MELK: variants seen among roughly 807,000 people sequenced by gnomAD.
The protein encoded by MELK is pEg3 kinase.
MELK carries 81 observed loss-of-function variants against 85.0 expected under a neutral mutation model. That is an observed-to-expected ratio of 0.95 (90% CI 0.80 to 1.15). MELK has a LOEUF of 1.15. MELK is among the 50% of genes most tolerant of loss of function. The pLI is 0.00. For synonymous variants in MELK, 252 were observed against 265.0 expected (o/e 0.95, Z 0.48); for missense variants, 754 against 777.5 (o/e 0.97, Z 0.36).
chr9:36,639,036 G>C (rs975425696), intron 10 of MELK, among the ~76,000 whole-genome samples: 2 of 152,200 alleles, frequency 1.3e-5, no homozygotes, highest in African/African-American at 4.8e-5. Context: ...AGTAGCTACT[G>C]GAGCAGAGTG....
At chr9:36,621,302 A>C (rs1245393835) in intron 8 of MELK, among the ~76,000 whole-genome samples, 7 of 127,962 alleles carry the variant, frequency 5.5e-5, no homozygotes, top group Admixed American at 2.3e-4. Flanking sequence ...AAAAAAAAAA[A>C]AAAAAAAAAA....
chr9:36,628,129 G>C (rs1828121721), intron 8 of MELK, among the ~76,000 whole-genome samples: 1 of 148,618 alleles, frequency 6.7e-6, no homozygotes, highest in African/African-American at 2.5e-5. Flanking sequence ...TCAAACTCCT[G>C]ACCTCGGCCT....
intron 11 of MELK, among the ~76,000 whole-genome samples, chr9:36,645,087 G>A (rs1221200411): frequency 2.0e-5 from 3 of 151,380 alleles, no homozygotes; most frequent in Admixed American, 6.6e-5. Context: ...GTGAAACCGC[G>A]TTTCTACTAA....
intron 11 of MELK, among the ~76,000 whole-genome samples, chr9:36,645,413 A>G (rs1427588247): frequency 6.6e-6 from 1 of 152,186 alleles, no homozygotes; most frequent in Non-Finnish European, 1.5e-5. Flanking sequence ...TGCATAAAAC[A>G]TAACAAAGCA....
chr9:36,574,498 G>A (rs1344570380), intron 1 of MELK, among the ~76,000 whole-genome samples: 1 of 151,926 alleles, frequency 6.6e-6, no homozygotes, highest in African/African-American at 2.4e-5. Flanking sequence ...AGCAACTGGG[G>A]AGGCTGAGGC....
intron 7 of MELK, among the ~76,000 whole-genome samples, chr9:36,603,044 C>T (rs920393911): frequency 6.6e-6 from 1 of 152,136 alleles, no homozygotes; most frequent in Non-Finnish European, 1.5e-5. Flanking sequence ...TAATCGTATG[C>T]CTGATCTCAC....
chr9:36,616,040 C>A (rs1018865143), intron 8 of MELK, among the ~76,000 whole-genome samples: 8 of 151,956 alleles, frequency 5.3e-5, no homozygotes, highest in Non-Finnish European at 8.8e-5. Context: ...GGGGCCCGTC[C>A]GCTCCTCCAG....
intron 12 of MELK, among the ~76,000 whole-genome samples, chr9:36,654,347 G>GTTTTT: frequency 1.1e-5 from 1 of 89,336 alleles, no homozygotes; most frequent in Non-Finnish European, 2.3e-5. Flanking sequence ...ACATTGGATT[G>GTTTTT]TCTTTTTTTT....
intron 1 of MELK, among the ~76,000 whole-genome samples, chr9:36,577,027 T>C (rs182779702): frequency 6.6e-6 from 1 of 152,344 alleles, no homozygotes; most frequent in East Asian, 1.9e-4. Flanking sequence ...CCTTCTCTTA[T>C]TAAGCTCTGT....
chr9:36,606,945 CG>C (rs1230871527), intron 7 of MELK: 1 of 151,854 alleles, frequency 6.6e-6, no homozygotes, highest in African/African-American at 2.4e-5. Flanking sequence ...CCACCATGCC[CG>C]GCTAATTTTT....
chr9:36,590,849 G>C (rs1408918919), intron 4 of MELK, among the ~76,000 whole-genome samples: 1 of 152,096 alleles, frequency 6.6e-6, no homozygotes, highest in African/African-American at 2.4e-5. Flanking sequence ...GCTGAGGCGG[G>C]AGGATCATTT....
At chr9:36,610,589 C>T (rs1031382303) in intron 8 of MELK, among the ~76,000 whole-genome samples, 5 of 152,232 alleles carry the variant, frequency 3.3e-5, no homozygotes, top group Non-Finnish European at 7.3e-5. Flanking sequence ...GCCAAGACAG[C>T]TTGTTTTCCT....
rs933176583 is a variant in MELK at position 36,671,184 on chromosome 9, C to T, written c.1674+18C>T. 12 of 1,545,552 alleles carry T rather than the reference C, an allele frequency of 7.8e-6. No individual in the cohort carries two copies. Among genetic ancestry groups the T allele is most frequent in the Non-Finnish European group, 9.6e-6 (11 of 1,147,324 alleles). ...GACTAAAGGTAAGCAGGCTGGAATT[C>T]TTTCATATGGAGCAGAAGCTGACTG... is the stretch of plus-strand genomic sequence containing the variant. On this transcript the variant is annotated intron_variant, in intron 16 of 17. Transcript: ENST00000298048.
At chr9:36,667,282 A>G (rs534574320) in intron 14 of MELK, among the ~76,000 whole-genome samples, 15 of 151,264 alleles carry the variant, frequency 9.9e-5, no homozygotes, top group Non-Finnish European at 2.1e-4. Flanking sequence ...CAGCCTCCCT[A>G]GTAGCTGGGA....
intron 1 of MELK, among the ~76,000 whole-genome samples, chr9:36,573,960 G>GTAAT (rs368777817): frequency 6.4e-4 from 98 of 152,258 alleles, no homozygotes; most frequent in African/African-American, 2.3e-3. Context: ...CTTAGGACGG[G>GTAAT]TAATTACCTT....
At chr9:36,628,426 AT>A (rs954389548) in intron 8 of MELK, among the ~76,000 whole-genome samples, 119 of 146,978 alleles carry the variant, frequency 8.1e-4, no homozygotes, top group Admixed American at 2.0e-3. Context: ...TTGTTAATGA[AT>A]TTTTTTTTTT....
intron 7 of MELK, among the ~76,000 whole-genome samples, chr9:36,606,600 AAT>A (rs1453505655): frequency 1.4e-5 from 2 of 146,992 alleles, no homozygotes; most frequent in Non-Finnish European, 3.0e-5. Flanking sequence ...GTGTGTATAT[AAT>A]ATATACATAT....
rs183326515 is a variant in MELK, at chr9:36,585,025, A to C, written c.144+1313A>C. ...TGAGCCACTGTACTTGGCCTGTCCC[A>C]GCATTTTATTCAAAATGGCTTTAGA... On this transcript the variant is annotated intron_variant, in intron 3 of 17. Coordinates refer to ENST00000298048, the MANE Select transcript of MELK (RefSeq NM_014791.4). Among the ~76,000 whole-genome samples, 470 of 152,252 alleles carry C rather than the reference A, an allele frequency of 3.1e-3. 2 individuals are homozygous for C. The highest frequency in any genetic ancestry group is 6.3e-3 in the Admixed American group (96 of 15,262).
At chr9:36,635,546 G>A (rs1829048140) in intron 10 of MELK, among the ~76,000 whole-genome samples, 1 of 152,030 alleles carries the variant, frequency 6.6e-6, no homozygotes, top group Admixed American at 6.6e-5. Context: ...TTACAGGCAT[G>A]AGCCACTGCA....
Sources: gnomAD v4.1 joint callset for allele counts (sites outside exome capture counted in the v4.1 genomes callset) on GRCh38, gnomAD v4.1.1 for gene constraint, MANE v1.5 for transcripts, NCBI Gene and HGNC (gene_info 2026-07-23, HGNC 2026-07-21) for gene names.